The following NOD1 variants were observed in gnomAD, a reference collection of about 807,000 sequenced individuals.
NOD1 encodes the protein nucleotide binding oligomerization domain containing 1.
Under a neutral mutation model 81.2 loss-of-function variants are expected in NOD1, and 70 were observed. The ratio of observed to expected loss-of-function variants is 0.86; its 90% CI spans 0.71 to 1.05. NOD1 has a LOEUF of 1.05. Ranked by LOEUF, NOD1 falls within the 50% of genes least tolerant of loss-of-function variation. NOD1 has a pLI of 0.00. For synonymous variants in NOD1, 508 were observed against 526.9 expected (o/e 0.96, Z 0.49); for missense variants, 1,233 against 1,228.0 (o/e 1.00, Z -0.06).
At chr7:30,445,684 A>G (rs1441340693) in intron 9 of NOD1, among the ~76,000 whole-genome samples, 4 of 147,700 alleles carry the variant, frequency 2.7e-5, no homozygotes, top group Non-Finnish European at 6.0e-5. Context: ...GCTTGAACCC[A>G]GAAGGCAGAG....
chr7:30,429,315 C>A, intron 13 of NOD1, 59 bp downstream of exon 13: 1 of 1,396,888 alleles, frequency 7.2e-7, no homozygotes, highest in South Asian at 1.2e-5. Context: ...CTTGCACAGT[C>A]AGTGGTGGTG....
At chr7:30,433,484 G>A (rs990160666) in intron 11 of NOD1, 4 of 347,596 alleles carry the variant, frequency 1.2e-5, no homozygotes, top group South Asian at 4.3e-5. Context: ...GGGGGCCCAC[G>A]GAAAACAAAG....
At chr7:30,472,878 C>G (rs555617175) in intron 1 of NOD1, among the ~76,000 whole-genome samples, 1 of 152,200 alleles carries the variant, frequency 6.6e-6, no homozygotes, top group South Asian at 2.1e-4. Flanking sequence ...CCTCTCCACC[C>G]GGCAGCCTCC....
At chr7:30,454,576 C>G (rs1342719611) in intron 5 of NOD1, among the ~76,000 whole-genome samples, 1 of 152,226 alleles carries the variant, frequency 6.6e-6, no homozygotes, top group African/African-American at 2.4e-5. Flanking sequence ...TAAGGACTGG[C>G]ACTCAACGGT....
At chr7:30,457,179 G>T in intron 3 of NOD1, 137 bp from the exon 4 acceptor site, 1 of 487,114 alleles carries the variant, frequency 2.1e-6, no homozygotes, top group Non-Finnish European at 3.8e-6. Flanking sequence ...AGGCAAGTTG[G>T]CTCATGACTG....
chr7:30,450,685 A>G, intron 6 of NOD1, among the ~76,000 whole-genome samples: 1 of 152,158 alleles, frequency 6.6e-6, no homozygotes, highest in Non-Finnish European at 1.5e-5. Context: ...CATATTCCAG[A>G]AACTTTTTGA....
At chr7:30,426,498 G>C (rs956947846) in intron 13 of NOD1, among the ~76,000 whole-genome samples, 2 of 151,780 alleles carry the variant, frequency 1.3e-5, no homozygotes, top group Admixed American at 1.3e-4. Context: ...CCCTGCATCA[G>C]TACAATGTCC....
At chr7:30,448,611 T>C (rs1785366180) in intron 6 of NOD1, among the ~76,000 whole-genome samples, 1 of 152,200 alleles carries the variant, frequency 6.6e-6, no homozygotes. Context: ...GCACAGCCCC[T>C]GGCTCCTCAC....
chr7:30,459,669 G>A (rs986869929), intron 2 of NOD1, among the ~76,000 whole-genome samples: 5 of 152,194 alleles, frequency 3.3e-5, no homozygotes, highest in African/African-American at 1.2e-4. Flanking sequence ...TTTTCTCTCG[G>A]AAGCATTTGA....
chr7:30,446,622 C>A, intron 8 of NOD1: 1 of 393,286 alleles, frequency 2.5e-6, no homozygotes. Context: ...ACCCCCTGCG[C>A]AGGGCACACC....
intron 1 of NOD1, chr7:30,460,764 C>T (rs1308904509): frequency 4.8e-6 from 4 of 836,014 alleles, no homozygotes; most frequent in East Asian, 1.2e-4. Flanking sequence ...TCCTCTCAAC[C>T]GCTCTTCTTT....
At chr7:30,427,928 C>T (rs1317857304) in intron 13 of NOD1, among the ~76,000 whole-genome samples, 3 of 152,316 alleles carry the variant, frequency 2.0e-5, no homozygotes, top group Admixed American at 6.5e-5. Flanking sequence ...TCAGCAGAAA[C>T]GGAGTGGCCT....
At position 30,425,612 on chromosome 7, in the gene NOD1, A is replaced by C; in HGVS notation, c.*26T>G. 6.3e-7 allele frequency: 1 copy of C among 1,589,942 alleles called. No homozygotes were observed. The highest frequency in any genetic ancestry group is 8.6e-7 in the Non-Finnish European group (1 of 1,157,824). On this transcript the variant is annotated 3_prime_UTR_variant, in exon 14 of 14. Transcript: ENST00000222823. ...TTTGCTGCTGAGGCTCCAGGGCAAAAACCCCATGAACAGGAAAGCATCCTC... is the reference window on the plus strand; with the variant it reads ...TTTGCTGCTGAGGCTCCAGGGCAAACACCCCATGAACAGGAAAGCATCCTC...
chr7:30,460,272 G>C, intron 1 of NOD1: 1 of 985,474 alleles, frequency 1.0e-6, no homozygotes, highest in Non-Finnish European at 1.2e-6. Context: ...TCAATTCGAA[G>C]TTCATGGGCA....
chr7:30,437,718 C>CT, intron 9 of NOD1, 62 bp from the exon 10 acceptor site: 2 of 1,253,208 alleles, frequency 1.6e-6, no homozygotes, highest in South Asian at 3.1e-5. Context: ...CTCACCCCTC[C>CT]TTTTTTGCCA....
intron 1 of NOD1, among the ~76,000 whole-genome samples, chr7:30,476,422 A>G (rs1181513123): frequency 6.6e-6 from 1 of 152,226 alleles, no homozygotes; most frequent in African/African-American, 2.4e-5. Flanking sequence ...GGCATCAGCA[A>G]TTGTAGAATT....
At chr7:30,436,544 A>T (rs1468430874) in intron 10 of NOD1, among the ~76,000 whole-genome samples, 1 of 151,782 alleles carries the variant, frequency 6.6e-6, no homozygotes, top group Non-Finnish European at 1.5e-5. Context: ...AGATTTGGCC[A>T]GCAGCCTAAG....
chr7:30,475,981 G>A (rs1169527855), intron 1 of NOD1: 1 of 152,148 alleles, frequency 6.6e-6, no homozygotes, highest in Non-Finnish European at 1.5e-5. Context: ...ACATGCAACT[G>A]ACTGTCCCTA....
intron 1 of NOD1, among the ~76,000 whole-genome samples, chr7:30,469,945 C>T (rs1788095326): frequency 6.7e-6 from 1 of 148,748 alleles, no homozygotes; most frequent in South Asian, 2.1e-4. Flanking sequence ...GGTAGGGTTC[C>T]CACCTTACTC....
Sources: gnomAD v4.1 joint callset for allele counts (sites outside exome capture counted in the v4.1 genomes callset) on GRCh38, gnomAD v4.1.1 for gene constraint, MANE v1.5 for transcripts, NCBI Gene and HGNC (gene_info 2026-07-23, HGNC 2026-07-21) for gene names.